The following CXCL6 variants were observed in gnomAD, a reference collection of about 807,000 sequenced individuals.
CXCL6 encodes the protein C-X-C motif chemokine 6.
In CXCL6, 18 loss-of-function variants were observed where a neutral mutation model predicts 10.5. The ratio of observed to expected loss-of-function variants is 1.71; its 90% CI spans 1.18 to 2.54. The LOEUF (loss-of-function observed/expected upper bound fraction) is 2.54. Among genes scored for constraint, CXCL6 ranks in the 30% most tolerant of loss-of-function variants. The probability of loss-of-function intolerance (pLI) is 0.00; values close to 1 mark genes in which losing one functional copy is unlikely to be tolerated. For synonymous variants in CXCL6, 82 were observed against 68.3 expected (o/e 1.20, Z -0.99); for missense variants, 171 against 145.7 (o/e 1.17, Z -0.90).
In CXCL6 at chr4:73,837,216, A is replaced by G. The variant is rs753633605; in HGVS notation, c.256A>G (p.Asn86Asp). Residue 86 changes from asparagine to aspartate, a missense_variant, in exon 3 of 4, where the codon AAC becomes GAC. By Grantham distance (23) the Asn-to-Asp change is conservative. Coordinates refer to ENST00000226317, the MANE Select transcript of CXCL6 (RefSeq NM_002993.4). The stretch of plus-strand genomic sequence containing the variant: ...TCTTTACTTCAGAGCCTCCCTGAAG[A>G]ACGGGAAGCAAGTTTGTCTGGACCC... ...SKVEVVASLKNGKQVCLDPEA... is the reference protein window; with the variant it reads ...SKVEVVASLKDGKQVCLDPEA... The G allele has an allele frequency of 6.2e-7, 1 of 1,613,978 alleles. No individual in the cohort carries two copies.
At chr4:73,836,936 G>A in intron 1 of CXCL6, 28 bp from the exon 2 acceptor site, 1 of 1,603,930 alleles carries the variant, frequency 6.2e-7, no homozygotes, top group Non-Finnish European at 8.5e-7. Context: ...CCAGCAACCT[G>A]CCCTATAAAA....
At chr4:73,837,402 TAAG>T (rs1731128436) in intron 3 of CXCL6, 116 bp downstream of exon 3, 3 of 1,142,698 alleles carry the variant, frequency 2.6e-6, no homozygotes, top group South Asian at 1.4e-5. Flanking sequence ...ATAAGGTTGT[TAAG>T]AAGAATAAGG....
At position 73,837,089 on chromosome 4, in the gene CXCL6, G is replaced by C. The variant is rs751111231; in HGVS notation, c.235G>C (p.Glu79Gln). ...CGCAGGCCCGCAGTGCTCCAAGGTG[G>C]AAGTGGTGTAAGTTCTCCTGTGTTG... is the stretch of plus-strand genomic sequence containing the variant. ...FPAGPQCSKV[E>Q]VVASLKNGKQ... is the part of the protein sequence containing the mutation. The change falls in exon 2 of 4, where the codon GAA becomes CAA. Residue 79 changes from glutamate (E) to glutamine (Q), a missense_variant. By Grantham distance (29) the Glu-to-Gln change is conservative (BLOSUM62 2). Transcript: ENST00000226317. The C allele has an allele frequency of 6.2e-7, 1 of 1,613,272 alleles. No individual in the cohort carries two copies. The highest frequency in any genetic ancestry group is 1.3e-5 in the African/African-American group (1 of 74,918).
chr4:73,837,372 T>C, intron 3 of CXCL6, 86 bp downstream of exon 3: 2 of 1,281,932 alleles, frequency 1.6e-6, no homozygotes, highest in South Asian at 2.5e-5. Context: ...CTCTGTAGGA[T>C]TTAGACTATG....
At position 73,836,756 on chromosome 4, in the gene CXCL6, C is replaced by A; in HGVS notation, c.6C>A (p.Ser2Arg). Residue 2 changes from serine (S) to arginine (R), a missense_variant, in exon 1 of 4, where the codon AGC (serine) becomes AGA (arginine). Physicochemically the swap from Ser to Arg is moderately radical, Grantham distance 110. Transcript: ENST00000226317. ...CGAACCCTCTCTTGACCACTATGAG[C>A]CTCCCGTCCAGCCGCGCGGCCCGTG... M[S>R]LPSSRAARVP... The A allele has an allele frequency of 6.2e-7, 1 of 1,609,534 alleles. No homozygotes were observed. Among genetic ancestry groups the A allele is most frequent in the Non-Finnish European group, 8.5e-7 (1 of 1,178,502 alleles).
intron 3 of CXCL6, 96 bp from the exon 4 acceptor site, chr4:73,837,527 A>T: frequency 8.0e-7 from 1 of 1,245,736 alleles, no homozygotes; most frequent in Non-Finnish European, 1.1e-6. Context: ...CTTTGCTTTT[A>T]TTGATTTTTT....
chr4:73,837,009 T>G lies in CXCL6; in HGVS notation c.155T>G (p.Leu52Ter), dbSNP rs151092747. ...AVLTELRCTC[L>*]RVTLRVNPKT... is the part of the protein sequence containing the mutation. ...CTGACAGAGCTGCGTTGCACTTGTT[T>G]ACGCGTTACGCTGAGAGTAAACCCC... Residue 52 changes from leucine (L) to a stop codon, truncating the protein, a stop_gained, in exon 2 of 4, where the codon TTA becomes TGA. Transcript: ENST00000226317. LOFTEE classifies it high-confidence loss of function. 33 of 1,613,422 alleles carry G rather than the reference T, an allele frequency of 2.0e-5. No homozygotes were observed. In the African/African-American group the frequency reaches 3.6e-4, roughly 18 times the overall value.
At chr4:73,837,517 C>G (rs1731130700) in intron 3 of CXCL6, 106 bp from the exon 4 acceptor site, 5 of 1,176,638 alleles carry the variant, frequency 4.2e-6, no homozygotes, top group South Asian at 4.0e-5. Flanking sequence ...TTTGTCTGCT[C>G]TTTGCTTTTA....
At position 73,837,028 on chromosome 4, in the gene CXCL6, A is replaced by G; in HGVS notation, c.174A>G (p.Val58=). 1.2e-6 allele frequency: 2 copies of G among 1,613,940 alleles called. No individual in the cohort carries two copies. Among genetic ancestry groups the G allele is most frequent in the African/African-American group, 1.3e-5 (1 of 75,040 alleles). Residue 58 remains valine (V), a synonymous_variant, in exon 2 of 4, where the codon GTA becomes GTG. Transcript: ENST00000226317. ...RCTCLRVTLR[V]NPKTIGKLQV... is the part of the protein sequence containing the mutation. The stretch of plus-strand genomic sequence containing the variant: ...CTTGTTTACGCGTTACGCTGAGAGT[A>G]AACCCCAAAACGATTGGTAAACTGC...
At position 73,836,784 on chromosome 4, in the gene CXCL6, C is replaced by T. The variant is rs773879713; in HGVS notation, c.34C>T (p.Pro12Ser). 1.2e-6 allele frequency: 2 copies of T among 1,611,680 alleles called. No homozygotes were observed. The highest frequency in any genetic ancestry group is 2.2e-5 in the East Asian group (1 of 44,844). ...CCCGTCCAGCCGCGCGGCCCGTGTC[C>T]CGGGTCCTTCGGGCTCCTTGTGCGC... ...SLPSSRAARV[P>S]GPSGSLCALL... The change falls in exon 1 of 4, where the codon CCG (proline) becomes TCG (serine). Residue 12 changes from proline (P) to serine (S), a missense_variant. Coordinates refer to ENST00000226317, the MANE Select transcript of CXCL6 (RefSeq NM_002993.4).
In CXCL6 at chr4:73,837,113, T is replaced by C. The variant is rs1560512851; in HGVS notation, c.242+17T>C. The C allele has an allele frequency of 6.2e-7, 1 of 1,613,168 alleles. No homozygotes were observed. Among genetic ancestry groups the C allele is most frequent in the Non-Finnish European group, 8.5e-7 (1 of 1,179,500 alleles). On this transcript the variant is annotated intron_variant, in intron 2 of 3. Transcript: ENST00000226317. ...GGAAGTGGTGTAAGTTCTCCTGTGT[T>C]GCTGTGTCCACTGTGACTTAGGCAA...
Position 73,837,215 on chromosome 4 carries a change from G to A in CXCL6, c.255G>A (p.Lys85=). The A allele has an allele frequency of 1.9e-6, 3 of 1,614,082 alleles. No individual in the cohort carries two copies. Among genetic ancestry groups the A allele is most frequent in the Non-Finnish European group, 2.5e-6 (3 of 1,180,034 alleles). Residue 85 remains lysine (K), a synonymous_variant, in exon 3 of 4, where the codon AAG becomes AAA. Coordinates refer to ENST00000226317, the MANE Select transcript of CXCL6 (RefSeq NM_002993.4). ...TTCTTTACTTCAGAGCCTCCCTGAA[G>A]AACGGGAAGCAAGTTTGTCTGGACC... ...CSKVEVVASL[K]NGKQVCLDPE...
chr4:73,837,144 C>T, intron 2 of CXCL6, 48 bp downstream of exon 2: 1 of 1,613,510 alleles, frequency 6.2e-7, no homozygotes, highest in Non-Finnish European at 8.5e-7. Flanking sequence ...GGCAAGTCCT[C>T]CAGCCTGGGT....
intron 1 of CXCL6, 46 bp downstream of exon 1, chr4:73,836,905 G>A: frequency 6.2e-7 from 1 of 1,606,182 alleles, no homozygotes; most frequent in Non-Finnish European, 8.5e-7. Context: ...CTGCGGGGCC[G>A]CTGCGTTCCA....
In CXCL6 at chr4:73,838,003, A is replaced by C. The variant is rs188106137; in HGVS notation, c.*362A>C. The C allele has an allele frequency of 7.4e-4, 133 of 179,512 alleles. No individual in the cohort carries two copies. Among genetic ancestry groups the C allele is most frequent in the South Asian group, 1.9e-3 (10 of 5,154 alleles). 11.1% of individuals were successfully genotyped at this position (179,512 alleles called of 1,614,324 possible). A position where few individuals can be genotyped will look rare whatever the true frequency, so the allele number is the denominator to read the frequency against. On this transcript the variant is annotated 3_prime_UTR_variant, in exon 4 of 4. Coordinates refer to ENST00000226317, the MANE Select transcript of CXCL6 (RefSeq NM_002993.4). ...CATACATTCCTTAAAGTCTTACCGA[A>C]AAGGCTGTGGATTTCGTATGGAAAT... is the stretch of plus-strand genomic sequence containing the variant.
rs762611604 is a variant in CXCL6 at position 73,837,086 on chromosome 4, G to A, written c.232G>A (p.Val78Met). 3.7e-6 allele frequency: 6 copies of A among 1,613,274 alleles called. No homozygotes were observed. The highest frequency in any genetic ancestry group is 5.1e-6 in the Non-Finnish European group (6 of 1,179,614). ...VFPAGPQCSK[V>M]EVVASLKNGK... ...CCCCGCAGGCCCGCAGTGCTCCAAG[G>A]TGGAAGTGGTGTAAGTTCTCCTGTG... Residue 78 changes from valine to methionine, a missense_variant, in exon 2 of 4, where the codon GTG (valine) becomes ATG (methionine). By Grantham distance (21) the Val-to-Met change is conservative. Coordinates refer to ENST00000226317, the MANE Select transcript of CXCL6 (RefSeq NM_002993.4).
chr4:73,837,157 T>C (rs1392049399), intron 2 of CXCL6, 46 bp from the exon 3 acceptor site: 1 of 1,613,640 alleles, frequency 6.2e-7, no homozygotes, highest in African/African-American at 1.3e-5. Context: ...GCCTGGGTCG[T>C]CAACCTTTGT....
At chr4:73,837,330 G>A (rs543056372) in intron 3 of CXCL6, 44 bp downstream of exon 3, 14 of 1,480,146 alleles carry the variant, frequency 9.5e-6, no homozygotes, top group South Asian at 9.1e-5. Flanking sequence ...TATCTTCTAT[G>A]GAAAGCATAT....
rs1456159845 is a variant in CXCL6, at chr4:73,837,740, T to G, written c.*99T>G. 5 of 997,520 alleles carry G rather than the reference T, an allele frequency of 5.0e-6. No individual in the cohort carries two copies. The South Asian group carries it at 5.9e-5, about 12-fold the overall frequency. 61.8% of individuals were successfully genotyped at this position (997,520 alleles called of 1,614,324 possible). On this transcript the variant is annotated 3_prime_UTR_variant, in exon 4 of 4. Transcript: ENST00000226317. Reference sequence around the variant, plus strand: ...AGTAAGAATAAGAAGGAAGGGTTGGTTTTTTTCCATTTTCTACATGGATTC... The same window carrying G: ...AGTAAGAATAAGAAGGAAGGGTTGGGTTTTTTCCATTTTCTACATGGATTC...
Sources: allele counts gnomAD v4.1 joint callset, GRCh38; gene constraint gnomAD v4.1.1; transcripts MANE v1.5; gene names NCBI Gene and HGNC (gene_info 2026-07-23, HGNC 2026-07-21).